MFN2: variants seen among roughly 807,000 people sequenced by gnomAD.
The protein encoded by MFN2 is mitofusin 2.
Under a neutral mutation model 87.5 loss-of-function variants are expected in MFN2, and 43 were observed. The observed-to-expected ratio is 0.49, with a 90% confidence interval of 0.38 to 0.63. The LOEUF is 0.63. MFN2 is among the 30% of genes least tolerant of loss of function. The probability of loss-of-function intolerance (pLI) is 0.00; values close to 1 mark genes in which losing one functional copy is unlikely to be tolerated. For missense variants in MFN2, 743 were observed against 972.8 expected, an observed-to-expected ratio of 0.76 and a Z score of 3.14; for synonymous variants, 337 against 359.9, an observed-to-expected ratio of 0.94 and a Z score of 0.72.
In MFN2 at chr1:12,001,485, ATCT is replaced by A; in HGVS notation, c.906_908del (p.Phe303del). On this transcript the variant is annotated inframe_deletion, in exon 9 of 19. Coordinates refer to ENST00000235329, the MANE Select transcript of MFN2 (RefSeq NM_014874.4). Reference sequence around the variant, plus strand: ...GGATCGATCCCAGGCCGGGGACCGCATCTTCTTTGTGTCTGCTAAGGAGGTGCT... The same window carrying A: ...GGATCGATCCCAGGCCGGGGACCGCATCTTTGTGTCTGCTAAGGAGGTGCT... 2 of 1,614,180 alleles carry A rather than the reference ATCT, an allele frequency of 1.2e-6. No homozygotes were observed. Among genetic ancestry groups the A allele is most frequent in the Non-Finnish European group, 1.7e-6 (2 of 1,180,016 alleles).
chr1:12,006,449 C>G, intron 15 of MFN2, 89 bp from the exon 16 acceptor site: 2 of 1,542,966 alleles, frequency 1.3e-6, no homozygotes, highest in South Asian at 1.1e-5. Context: ...CTCTGTGTCC[C>G]TGTTCCCCAG....
intron 6 of MFN2, 24 bp downstream of exon 6, chr1:11,997,445 G>T (rs1203353613): frequency 6.2e-7 from 1 of 1,613,254 alleles, no homozygotes; most frequent in Non-Finnish European, 8.5e-7. Context: ...GCCCTCCTAG[G>T]AGGTCCAAAC....
chr1:12,000,279 A>G (rs12066842), intron 8 of MFN2, among the ~76,000 whole-genome samples: 104,631 of 151,308 alleles, frequency 0.69, 36,829 homozygotes, highest in African/African-American at 0.79. Flanking sequence ...TGCAACCTCC[A>G]CCTCCAGGGT....
chr1:12,006,198 A>G (rs1044959127), intron 15 of MFN2, among the ~76,000 whole-genome samples: 1 of 151,886 alleles, frequency 6.6e-6, no homozygotes, highest in African/African-American at 2.4e-5. Flanking sequence ...AGACGACTTT[A>G]AAAATAACCA....
At chr1:12,006,475 AG>A in intron 15 of MFN2, 62 bp from the exon 16 acceptor site, 1 of 1,601,794 alleles carries the variant, frequency 6.2e-7, no homozygotes, top group Admixed American at 1.7e-5. Flanking sequence ...GGCAACACTG[AG>A]GGTTCACGTG....
At chr1:11,993,693 GCCACTGCACT>G (rs1303612256) in intron 4 of MFN2, among the ~76,000 whole-genome samples, 2 of 149,954 alleles carry the variant, frequency 1.3e-5, no homozygotes, top group African/African-American at 4.9e-5. Flanking sequence ...CCGAGATCGG[GCCACTGCACT>G]CCAGCCTGGG....
At chr1:12,000,734 A>G (rs983895063) in intron 8 of MFN2, among the ~76,000 whole-genome samples, 4 of 152,316 alleles carry the variant, frequency 2.6e-5, no homozygotes, top group Non-Finnish European at 5.9e-5. Flanking sequence ...ATGCCCCAGG[A>G]GGACACAGCT....
At chr1:11,981,036 G>C (rs528451032) in intron 1 of MFN2, among the ~76,000 whole-genome samples, 20 of 152,262 alleles carry the variant, frequency 1.3e-4, no homozygotes, top group African/African-American at 4.1e-4. Flanking sequence ...AGAACTGCCC[G>C]TTACCCCCTC....
chr1:11,985,440 C>T (rs573025716), intron 2 of MFN2, among the ~76,000 whole-genome samples: 14 of 150,620 alleles, frequency 9.3e-5, no homozygotes, highest in Non-Finnish European at 1.8e-4. Context: ...CTATATCATG[C>T]CCCATCCTTG....
In MFN2 at chr1:12,012,661, G is replaced by T; in HGVS notation, c.*1096G>T. On this transcript the variant is annotated 3_prime_UTR_variant, in exon 19 of 19. Transcript: ENST00000235329. ...GTGCCAGTGACTGCAGTTGGCCAAG[G>T]GACAATGTGGAAAACCCAGTGTCCA... The T allele has an allele frequency of 6.6e-6, 1 of 152,366 alleles. No individual in the cohort carries two copies. The highest frequency in any genetic ancestry group is 1.5e-5 in the Non-Finnish European group (1 of 68,128). 9.4% of individuals were successfully genotyped at this position (152,366 alleles called of 1,614,324 possible). A position where few individuals can be genotyped will look rare whatever the true frequency, so the allele number is the denominator to read the frequency against.
chr1:11,989,557 TC>T (rs2100803652), intron 3 of MFN2, among the ~76,000 whole-genome samples: 1 of 151,746 alleles, frequency 6.6e-6, no homozygotes, highest in African/African-American at 2.4e-5. Flanking sequence ...CTTTAAGAAG[TC>T]CACATGTTTT....
Position 12,004,111 on chromosome 1 carries a change from A to G in MFN2, c.1280A>G (p.Glu427Gly). 1 of 1,614,082 alleles carries G rather than the reference A, an allele frequency of 6.2e-7. No homozygotes were observed. The highest frequency in any genetic ancestry group is 8.5e-7 in the Non-Finnish European group (1 of 1,180,042). Residue 427 changes from glutamate to glycine, a missense_variant, in exon 12 of 19, where the codon GAG becomes GGG. Coordinates refer to ENST00000235329, the MANE Select transcript of MFN2 (RefSeq NM_014874.4). The surrounding 1 kb of genome is among the most constrained non-coding windows in gnomAD (Gnocchi z 4.2). ...LRIKQITEEVERQVSTAMAEE... is the reference protein window; with the variant it reads ...LRIKQITEEVGRQVSTAMAEE... ...ATTAAGCAGATTACGGAGGAAGTGG[A>G]GAGGCAGGTGAGAAATGAGGAGGAG...
intron 14 of MFN2, 140 bp from the exon 15 acceptor site, chr1:12,005,571 A>C (rs1436280069): frequency 1.1e-6 from 1 of 902,988 alleles, no homozygotes; most frequent in African/African-American, 1.6e-5. Flanking sequence ...CTCACGGGCC[A>C]ACTTGACTGG....
At chr1:11,990,976 G>A (rs943159536) in intron 3 of MFN2, among the ~76,000 whole-genome samples, 4 of 152,184 alleles carry the variant, frequency 2.6e-5, no homozygotes, top group East Asian at 1.9e-4. Context: ...AGATGCTTTC[G>A]GAGTGTTCTC....
At chr1:11,989,507 A>G (rs1249132486) in intron 3 of MFN2, among the ~76,000 whole-genome samples, 164 bp downstream of exon 3, 2 of 152,150 alleles carry the variant, frequency 1.3e-5, no homozygotes, top group Non-Finnish European at 2.9e-5. Context: ...GTCTGGGGAG[A>G]TGAGGCCAGG....
chr1:12,005,848 T>A lies in MFN2; in HGVS notation c.1633T>A (p.Phe545Ile), dbSNP rs1425758435. ...ADFQEDIEFH[F>I]SLGWTMLVNR... is the part of the protein sequence containing the mutation. ...CTTCCAGGAAGACATTGAGTTCCAT[T>A]TCTCTCTCGGATGGACCATGCTGGT... Residue 545 changes from phenylalanine to isoleucine, a missense_variant, in exon 15 of 19, where the codon TTC becomes ATC. Coordinates refer to ENST00000235329, the MANE Select transcript of MFN2 (RefSeq NM_014874.4). The A allele has an allele frequency of 1.2e-6, 2 of 1,614,056 alleles. No individual in the cohort carries two copies. The highest frequency in any genetic ancestry group is 1.7e-6 in the Non-Finnish European group (2 of 1,180,032).
Position 11,989,221 on chromosome 1 carries a change from A to G in MFN2, c.53A>G (p.Lys18Arg). ...TCTATCGTCACAGTCAAGAAAAATA[A>G]GAGACACATGGCTGAGGTGAATGCA... ...CNSIVTVKKN[K>R]RHMAEVNASP... The change falls in exon 3 of 19, where the codon AAG becomes AGG. Residue 18 changes from lysine (K) to arginine (R), a missense_variant. Physicochemically the swap from Lys to Arg is conservative, Grantham distance 26 (BLOSUM62 2). Around this residue, in one of 3 missense-constraint regions of MFN2, gnomAD observed 31 missense variants for 23.2 expected, o/e 1.33. Coordinates refer to ENST00000235329, the MANE Select transcript of MFN2 (RefSeq NM_014874.4). The G allele has an allele frequency of 4.3e-6, 7 of 1,614,152 alleles. No homozygotes were observed. The highest frequency in any genetic ancestry group is 5.9e-6 in the Non-Finnish European group (7 of 1,180,044).
In MFN2 at chr1:11,996,289, G is replaced by A. The variant is rs754016178; in HGVS notation, c.445G>A (p.Glu149Lys). The A allele has an allele frequency of 8.7e-6, 14 of 1,614,134 alleles. No homozygotes were observed. Among genetic ancestry groups the A allele is most frequent in the Admixed American group, 6.7e-5 (4 of 60,024 alleles). ...TDGHEAFLLT[E>K]GSEEKRSAKT... The stretch of plus-strand genomic sequence containing the variant: ...TGGCCATGAGGCCTTTCTCCTTACC[G>A]AGGGCTCAGAGGAAAAGAGGAGTGC... The change falls in exon 5 of 19, where the codon GAG becomes AAG. Residue 149 changes from glutamate to lysine, a missense_variant. Coordinates refer to ENST00000235329, the MANE Select transcript of MFN2 (RefSeq NM_014874.4).
At chr1:11,988,937 G>A (rs1158624527) in intron 2 of MFN2, among the ~76,000 whole-genome samples, 1 of 151,974 alleles carries the variant, frequency 6.6e-6, no homozygotes, top group African/African-American at 2.4e-5. Context: ...CCTGACCTCA[G>A]GTGATCCACC....
Sources: gnomAD v4.1 joint callset for allele counts (sites outside exome capture counted in the v4.1 genomes callset) on GRCh38, gnomAD v4.1.1 for gene constraint, gnomAD v4.1.1 regional missense constraint, Gnocchi (gnomAD v3.1) non-coding constraint, MANE v1.5 for transcripts, NCBI Gene and HGNC (gene_info 2026-07-23, HGNC 2026-07-21) for gene names.